FNIP2: variants seen among roughly 807,000 people sequenced by gnomAD.
The protein encoded by FNIP2 is folliculin-interacting protein 2.
FNIP2 carries 32 observed loss-of-function variants against 108.7 expected under a neutral mutation model. The observed-to-expected ratio is 0.29, with a 90% CI of 0.22 to 0.40. The LOEUF (loss-of-function observed/expected upper bound fraction) is 0.40. Ranked by LOEUF, FNIP2 falls within the 10% of genes least tolerant of loss-of-function variation. The pLI is 1.00. For synonymous variants in FNIP2, 480 were observed against 496.7 expected (o/e 0.97, Z 0.45); for missense variants, 1,202 against 1,381.6 (o/e 0.87, Z 2.06).
At chr4:158,799,368 A>G (rs1776688469) in intron 1 of FNIP2, among the ~76,000 whole-genome samples, 1 of 152,236 alleles carries the variant, frequency 6.6e-6, no homozygotes, top group Non-Finnish European at 1.5e-5. Flanking sequence ...TGAATTAAAT[A>G]ATTTTAGTCC....
chr4:158,882,421 G>A (rs961907307), intron 14 of FNIP2, among the ~76,000 whole-genome samples: 1 of 148,700 alleles, frequency 6.7e-6, no homozygotes, highest in Non-Finnish European at 1.5e-5. Context: ...CCGGGAGGTG[G>A]GGGGTGCCTC....
chr4:158,804,665 G>T (rs921136274), intron 1 of FNIP2, among the ~76,000 whole-genome samples: 3 of 152,078 alleles, frequency 2.0e-5, no homozygotes, highest in African/African-American at 7.2e-5. Flanking sequence ...TCTCGCCTTG[G>T]CCTCTCAAAG....
intron 1 of FNIP2, among the ~76,000 whole-genome samples, chr4:158,823,629 G>T (rs944503286): frequency 6.6e-6 from 1 of 152,212 alleles, no homozygotes; most frequent in African/African-American, 2.4e-5. Context: ...GCTTACTCAG[G>T]AACAGCTGGC....
At chr4:158,824,841 C>T (rs1364863967) in intron 1 of FNIP2, among the ~76,000 whole-genome samples, 1 of 152,162 alleles carries the variant, frequency 6.6e-6, no homozygotes, top group African/African-American at 2.4e-5. Flanking sequence ...ACCTCCTTCT[C>T]TGTTCCTATG....
intron 2 of FNIP2, among the ~76,000 whole-genome samples, chr4:158,826,404 T>TA (rs1245094459): frequency 6.6e-6 from 1 of 152,222 alleles, no homozygotes; most frequent in African/African-American, 2.4e-5. Context: ...CATAAAGTGA[T>TA]AAAGTGTTAG....
chr4:158,892,252 C>G (rs1000043306), intron 15 of FNIP2, among the ~76,000 whole-genome samples: 4 of 151,414 alleles, frequency 2.6e-5, no homozygotes, highest in Non-Finnish European at 5.9e-5. Flanking sequence ...ATCCTCCCAC[C>G]TCAGCCTCTT....
chr4:158,885,942 G>A (rs1168819298), intron 14 of FNIP2, among the ~76,000 whole-genome samples: 1 of 152,208 alleles, frequency 6.6e-6, no homozygotes, highest in African/African-American at 2.4e-5. Flanking sequence ...AAGTTAAGCA[G>A]AAGTCATGTG....
rs372266440 is a variant in FNIP2, at chr4:158,829,371, C to T, written c.381+146C>T. ...CAGAGTACTCTTAAATGTTTCACAT[C>T]GATGTTGTTTTTGCTCTTTGGCTTT... On this transcript the variant is annotated intron_variant, in intron 3 of 16. Coordinates refer to ENST00000264433, the MANE Select transcript of FNIP2 (RefSeq NM_020840.3). 471 of 668,770 alleles carry T rather than the reference C, an allele frequency of 7.0e-4. 1 individual carries two copies. Among genetic ancestry groups the T allele is most frequent in the South Asian group, 6.1e-3 (153 of 25,042 alleles). The allele number at this position is 668,770 out of a possible 1,614,324, so 41.4% of individuals were successfully genotyped here. A position where few individuals can be genotyped will look rare whatever the true frequency, so the allele number is the denominator to read the frequency against.
At chr4:158,854,084 A>G (rs1204833102) in intron 8 of FNIP2, among the ~76,000 whole-genome samples, 5 of 152,226 alleles carry the variant, frequency 3.3e-5, no homozygotes, top group Admixed American at 3.3e-4. Flanking sequence ...GCCTATGAAT[A>G]TTTACTTTGC....
intron 6 of FNIP2, 85 bp downstream of exon 6, chr4:158,833,713 G>GTTT (rs371442899): frequency 1.6e-5 from 19 of 1,172,540 alleles, no homozygotes; most frequent in African/African-American, 6.3e-5. Flanking sequence ...TTTGTCGTGG[G>GTTT]TTTTTTTTTT....
At chr4:158,771,140 T>C (rs1000360070) in intron 1 of FNIP2, among the ~76,000 whole-genome samples, 1 of 152,216 alleles carries the variant, frequency 6.6e-6, no homozygotes, top group Non-Finnish European at 1.5e-5. Context: ...TCATTGGGAT[T>C]TTCTACAAGA....
chr4:158,879,132 G>GA (rs1228797084), intron 14 of FNIP2, among the ~76,000 whole-genome samples: 3 of 150,258 alleles, frequency 2.0e-5, no homozygotes, highest in Non-Finnish European at 4.4e-5. Flanking sequence ...AATATTCAAA[G>GA]AAAGAATGGC....
intron 1 of FNIP2, among the ~76,000 whole-genome samples, chr4:158,789,177 T>A (rs1776320237): frequency 6.6e-6 from 1 of 152,222 alleles, no homozygotes; most frequent in South Asian, 2.1e-4. Context: ...TACTAGCGAA[T>A]AAGTGCTGTA....
intron 8 of FNIP2, 125 bp downstream of exon 8, chr4:158,851,575 C>T: frequency 8.4e-7 from 1 of 1,187,886 alleles, no homozygotes; most frequent in South Asian, 1.5e-5. Flanking sequence ...TTAGCTTCAG[C>T]TGAGCCTGAA....
intron 16 of FNIP2, among the ~76,000 whole-genome samples, chr4:158,903,114 T>C (rs1477088375): frequency 2.0e-5 from 3 of 152,184 alleles, no homozygotes; most frequent in Non-Finnish European, 4.4e-5. Flanking sequence ...GCCCTGATTG[T>C]GTACACACCA....
Position 158,823,096 on chromosome 4 carries a change from T to C in FNIP2, c.108-2820T>C, listed in dbSNP as rs1777972450. Among the ~76,000 whole-genome samples, 3 of 152,352 alleles carry C rather than the reference T, an allele frequency of 2.0e-5. No individual in the cohort carries two copies. The South Asian group carries it at 6.2e-4, about 32-fold the overall frequency. On this transcript the variant is annotated intron_variant, in intron 1 of 16. Transcript: ENST00000264433. ...TCTTCAAAAATAAGGATTGAACAAC[T>C]TGGTTATAAATTATAATGCTGTCTT...
Position 158,783,751 on chromosome 4 carries a change from A to T in FNIP2, c.107+14432A>T, listed in dbSNP as rs6816709. The stretch of plus-strand genomic sequence containing the variant: ...CATTGCTCTAGGCTCTAGGTGGCCT[A>T]AAGTCCTCACAGCTGGAATTCTCCA... On this transcript the variant is annotated intron_variant, in intron 1 of 16. Coordinates refer to ENST00000264433, the MANE Select transcript of FNIP2 (RefSeq NM_020840.3). 3.0e-3 allele frequency among the ~76,000 whole-genome samples: 456 copies of T among 152,326 alleles called. 1 individual carries two copies. The highest frequency in any genetic ancestry group is 0.011 in the African/African-American group (441 of 41,566).
At chr4:158,901,465 C>T (rs1180816425) in intron 16 of FNIP2, among the ~76,000 whole-genome samples, 5 of 151,972 alleles carry the variant, frequency 3.3e-5, no homozygotes, top group African/African-American at 9.7e-5. Flanking sequence ...CATTATGTGT[C>T]TTGGGGTTGC....
At chr4:158,791,636 T>C (rs891010952) in intron 1 of FNIP2, among the ~76,000 whole-genome samples, 2 of 152,146 alleles carry the variant, frequency 1.3e-5, no homozygotes, top group African/African-American at 4.8e-5. Flanking sequence ...ATACCAGAAA[T>C]GTTACCAGTT....
Sources: gnomAD v4.1 joint callset for allele counts (sites outside exome capture counted in the v4.1 genomes callset) on GRCh38, gnomAD v4.1.1 for gene constraint, MANE v1.5 for transcripts, NCBI Gene and HGNC (gene_info 2026-07-23, HGNC 2026-07-21) for gene names.